The following RPS6KC1 variants were observed in gnomAD, a reference collection of about 807,000 sequenced individuals.
The protein encoded by RPS6KC1 is ribosomal protein S6 kinase C1.
In RPS6KC1, 54 loss-of-function variants were observed where a neutral mutation model predicts 103.8. That is an observed-to-expected ratio of 0.52 (90% CI 0.42 to 0.65). RPS6KC1 has a LOEUF of 0.65. Among genes scored for constraint, RPS6KC1 ranks in the 30% least tolerant of loss-of-function variants. The pLI, the probability that RPS6KC1 is intolerant of heterozygous loss-of-function variation, is 0.00. For missense variants in RPS6KC1, 1,151 were observed against 1,253.8 expected (o/e 0.92, Z 1.24); for synonymous variants, 439 against 438.7 (o/e 1.00, Z -0.01).
chr1:213,471,251 G>A, the RPS6KC1 span, among the ~76,000 whole-genome samples: 1 of 152,146 alleles, frequency 6.6e-6, no homozygotes, highest in Non-Finnish European at 1.5e-5. Flanking sequence ...AGAGGCTCCA[G>A]GCTCATCTTG....
At chr1:213,294,979 G>A in the RPS6KC1 span, among the ~76,000 whole-genome samples, 2 of 152,086 alleles carry the variant, frequency 1.3e-5, no homozygotes, top group African/African-American at 2.4e-5. Flanking sequence ...ACAATTAAGG[G>A]TATGGCACTC....
the RPS6KC1 span, among the ~76,000 whole-genome samples, chr1:213,800,307 A>ATTCACAT: frequency 5.5e-3 from 842 of 152,332 alleles, 2 homozygotes; most frequent in Non-Finnish European, 9.5e-3. Flanking sequence ...CCTAGAAGAA[A>ATTCACAT]TTCACATATT....
chr1:213,356,391 C>T, the RPS6KC1 span, among the ~76,000 whole-genome samples: 1 of 151,888 alleles, frequency 6.6e-6, no homozygotes, highest in Admixed American at 6.5e-5. Context: ...TGTGGTGGCT[C>T]ACGCCTGTAA....
At chr1:213,459,546 A>G in the RPS6KC1 span, among the ~76,000 whole-genome samples, 10 of 151,690 alleles carry the variant, frequency 6.6e-5, no homozygotes, top group Non-Finnish European at 1.5e-5. Flanking sequence ...CAGCTCCTGG[A>G]TTGATTGATT....
the RPS6KC1 span, among the ~76,000 whole-genome samples, chr1:213,574,637 AGTTGAAAGGTAAATGG>A: frequency 6.6e-6 from 1 of 152,212 alleles, no homozygotes; most frequent in African/African-American, 2.4e-5. Flanking sequence ...TGACACAATT[AGTTGAAAGGTAAATGG>A]TGAGGAGGGA....
the RPS6KC1 span, among the ~76,000 whole-genome samples, chr1:213,476,139 C>G: frequency 6.6e-5 from 10 of 152,124 alleles, no homozygotes; most frequent in African/African-American, 2.4e-4. Context: ...AGAAGCAGAC[C>G]TCACTTTCTG....
At chr1:213,370,750 T>C in the RPS6KC1 span, among the ~76,000 whole-genome samples, 1 of 152,218 alleles carries the variant, frequency 6.6e-6, no homozygotes, top group Non-Finnish European at 1.5e-5. Flanking sequence ...AGCCAGGATG[T>C]AAACTCAAGT....
the RPS6KC1 span, among the ~76,000 whole-genome samples, chr1:213,614,167 G>A: frequency 2.6e-5 from 4 of 152,210 alleles, no homozygotes; most frequent in Non-Finnish European, 5.9e-5. Context: ...GAGAGGTGAA[G>A]TGGCTCACCC....
chr1:213,536,467 AGGACAG>A, the RPS6KC1 span, among the ~76,000 whole-genome samples: 1 of 152,228 alleles, frequency 6.6e-6, no homozygotes, highest in Non-Finnish European at 1.5e-5. Context: ...AAACTGCATG[AGGACAG>A]AGGTGTTTAG....
At chr1:213,815,646 G>T in the RPS6KC1 span, among the ~76,000 whole-genome samples, 10 of 152,182 alleles carry the variant, frequency 6.6e-5, no homozygotes, top group Admixed American at 6.5e-4. Flanking sequence ...CAATTTTCTG[G>T]ATTAGGCTTT....
the RPS6KC1 span, among the ~76,000 whole-genome samples, chr1:213,751,275 G>A: frequency 6.6e-6 from 1 of 152,048 alleles, no homozygotes; most frequent in Non-Finnish European, 1.5e-5. Context: ...TGCACAGAGT[G>A]TGTTACGTTG....
chr1:213,724,539 GA>G, the RPS6KC1 span, among the ~76,000 whole-genome samples: 6 of 152,166 alleles, frequency 3.9e-5, no homozygotes, highest in African/African-American at 2.4e-5. Flanking sequence ...CCATGGTGGA[GA>G]AACACTCCAA....
At chr1:213,156,197 G>A (rs2089868628) in intron 6 of RPS6KC1, among the ~76,000 whole-genome samples, 1 of 152,150 alleles carries the variant, frequency 6.6e-6, no homozygotes, top group Non-Finnish European at 1.5e-5. Context: ...TCTATAGGTA[G>A]CATCCACAGT....
the RPS6KC1 span, among the ~76,000 whole-genome samples, chr1:213,447,833 G>T: frequency 6.6e-6 from 1 of 152,122 alleles, no homozygotes; most frequent in Non-Finnish European, 1.5e-5. Context: ...AATTGGCAGA[G>T]TAATTTTACA....
At chr1:213,619,872 TAGAAG>T in the RPS6KC1 span, among the ~76,000 whole-genome samples, 1 of 152,064 alleles carries the variant, frequency 6.6e-6, no homozygotes, top group Non-Finnish European at 1.5e-5. Context: ...AGGTAGGAAA[TAGAAG>T]AGAGAACTAC....
chr1:213,139,725 C>T (rs1016806099), intron 6 of RPS6KC1, among the ~76,000 whole-genome samples: 2 of 151,980 alleles, frequency 1.3e-5, no homozygotes, highest in African/African-American at 2.4e-5. Context: ...GTACCAGTAC[C>T]ATGCTGTTTT....
intron 8 of RPS6KC1, chr1:213,205,096 T>C (rs1446549894): frequency 2.4e-5 from 5 of 204,498 alleles, no homozygotes; most frequent in African/African-American, 1.2e-4. Flanking sequence ...GATACATCTC[T>C]TTGGATCCAT....
intron 8 of RPS6KC1, among the ~76,000 whole-genome samples, chr1:213,178,022 G>T (rs938343717): frequency 6.6e-6 from 1 of 151,374 alleles, no homozygotes; most frequent in Admixed American, 6.6e-5. Flanking sequence ...GGGCAACATG[G>T]TGAGACCCTG....
the RPS6KC1 span, among the ~76,000 whole-genome samples, chr1:213,528,358 A>G: frequency 1.3e-5 from 2 of 152,124 alleles, no homozygotes; most frequent in Non-Finnish European, 2.9e-5. Context: ...CTATCATGAG[A>G]ACAGCATGGA....
Sources: gnomAD v4.1 joint callset for allele counts (sites outside exome capture counted in the v4.1 genomes callset) on GRCh38, gnomAD v4.1.1 for gene constraint, MANE v1.5 for transcripts, NCBI Gene and HGNC (gene_info 2026-07-23, HGNC 2026-07-21) for gene names.